The following PCCA variants were observed in gnomAD, a reference collection of about 807,000 sequenced individuals.
PCCA encodes propionyl-CoA carboxylase alpha chain, mitochondrial.
A neutral mutation model predicts 101.3 loss-of-function variants in PCCA; 74 were observed. The ratio of observed to expected loss-of-function variants is 0.73; its 90% CI spans 0.61 to 0.89. The LOEUF is 0.89. PCCA is among the 40% of genes least tolerant of loss of function. The pLI is 0.00. For missense variants in PCCA, 891 were observed against 907.0 expected (o/e 0.98, Z 0.23); for synonymous variants, 294 against 313.6 (o/e 0.94, Z 0.66).
intron 16 of PCCA, among the ~76,000 whole-genome samples, chr13:100,317,936 C>T (rs1180843420): frequency 1.3e-5 from 2 of 152,128 alleles, no homozygotes; most frequent in African/African-American, 4.8e-5. Context: ...CCTGAATATC[C>T]GTCAAGTCCA....
In PCCA at chr13:100,394,783, A is replaced by G. The variant is rs1364275488; in HGVS notation, c.1746+26209A>G. On this transcript the variant is annotated intron_variant, in intron 19 of 23. Transcript: ENST00000376285. The surrounding 1 kb of genome is among the most constrained non-coding windows in gnomAD (Gnocchi z 4.3). Reference sequence around the variant, plus strand: ...TGTTTTTTAAAAAATATGTCCTACTACTAATATTTTTTAAATTATCCCTAA... The same window carrying G: ...TGTTTTTTAAAAAATATGTCCTACTGCTAATATTTTTTAAATTATCCCTAA... Among the ~76,000 whole-genome samples the G allele has an allele frequency of 6.6e-6, 1 of 152,196 alleles. No homozygotes were observed. The highest frequency in any genetic ancestry group is 1.5e-5 in the Non-Finnish European group (1 of 68,032).
intron 4 of PCCA, among the ~76,000 whole-genome samples, chr13:100,133,174 T>C (rs1380338865): frequency 6.6e-6 from 1 of 152,242 alleles, no homozygotes; most frequent in Admixed American, 6.5e-5. Context: ...CTTCTTCTCA[T>C]GTGCTTATTT....
At chr13:100,209,178 A>G (rs562979429) in intron 6 of PCCA, among the ~76,000 whole-genome samples, 154 bp from the exon 7 acceptor site, 1 of 152,320 alleles carries the variant, frequency 6.6e-6, no homozygotes, top group South Asian at 2.1e-4. Context: ...ACTATATGCA[A>G]TATAGTATTT....
intron 6 of PCCA, among the ~76,000 whole-genome samples, chr13:100,174,605 G>A (rs752811330): frequency 4.6e-5 from 7 of 150,730 alleles, no homozygotes; most frequent in Non-Finnish European, 8.8e-5. Context: ...GCGCATGCCT[G>A]TAGTCTTAGC....
intron 17 of PCCA, among the ~76,000 whole-genome samples, chr13:100,339,339 C>T (rs1051356857): frequency 7.9e-5 from 12 of 152,200 alleles, no homozygotes; most frequent in South Asian, 6.2e-4. Context: ...TTATGGCTGA[C>T]GAGCCAGCAT....
rs1410685364 is a variant in PCCA, at chr13:100,527,639, A to G, written c.2041-36A>G. The G allele has an allele frequency of 4.1e-6, 6 of 1,453,254 alleles. No individual in the cohort carries two copies. In the East Asian group the frequency reaches 6.8e-5, roughly 16 times the overall value. The allele number at this position is 1,453,254 out of a possible 1,614,324, so 90.0% of individuals were successfully genotyped here. A position where few individuals can be genotyped will look rare whatever the true frequency, so the allele number is the denominator to read the frequency against. ...TCCTAAGTGTTAATGCAAAATTAGA[A>G]TGCTTTTAAAACTTCTGCCCATTTT... On this transcript the variant is annotated intron_variant, in intron 22 of 23. Coordinates refer to ENST00000376285, the MANE Select transcript of PCCA (RefSeq NM_000282.4).
intron 12 of PCCA, among the ~76,000 whole-genome samples, chr13:100,282,278 C>T (rs1269526920): frequency 1.3e-5 from 2 of 152,242 alleles, no homozygotes; most frequent in African/African-American, 2.4e-5. Flanking sequence ...GAGGTGACAG[C>T]GTGCTGGCAG....
intron 4 of PCCA, chr13:100,154,484 T>C (rs1371263074): frequency 6.4e-6 from 1 of 157,442 alleles, no homozygotes; most frequent in Non-Finnish European, 1.4e-5. Flanking sequence ...AACTCTTTCT[T>C]TCGTCTTAGG....
At chr13:100,214,445 A>G (rs1054016788) in intron 7 of PCCA, among the ~76,000 whole-genome samples, 2 of 148,220 alleles carry the variant, frequency 1.3e-5, no homozygotes, top group Non-Finnish European at 3.0e-5. Context: ...TTTTTTTTTT[A>G]GATGGAACCT....
At chr13:100,527,124 A>G (rs944120351) in intron 22 of PCCA, among the ~76,000 whole-genome samples, 5 of 151,778 alleles carry the variant, frequency 3.3e-5, no homozygotes, top group African/African-American at 7.3e-5. Flanking sequence ...GGTAACAGCT[A>G]TACTGAGATG....
chr13:100,110,834 A>G (rs2048241356), intron 2 of PCCA, among the ~76,000 whole-genome samples: 1 of 151,908 alleles, frequency 6.6e-6, no homozygotes, highest in Non-Finnish European at 1.5e-5. Context: ...TTGAGACGGA[A>G]TCTTGCTCTG....
intron 21 of PCCA, among the ~76,000 whole-genome samples, chr13:100,508,884 G>A (rs891644197): frequency 2.6e-5 from 4 of 152,048 alleles, no homozygotes; most frequent in Admixed American, 2.6e-4. Flanking sequence ...TTTCTTTGTG[G>A]ATTTTGTTTG....
intron 22 of PCCA, among the ~76,000 whole-genome samples, chr13:100,519,859 CCCAGGCTCGCT>C (rs2153001174): frequency 6.6e-6 from 1 of 152,382 alleles, no homozygotes; most frequent in East Asian, 1.9e-4. Flanking sequence ...CCTCATGCAG[CCCAGGCTCGCT>C]CACTGCATCT....
intron 18 of PCCA, among the ~76,000 whole-genome samples, chr13:100,365,728 G>A (rs1449966137): frequency 6.6e-6 from 1 of 152,148 alleles, no homozygotes; most frequent in African/African-American, 2.4e-5. Flanking sequence ...AAGAATATAG[G>A]CCGAGAGCCG....
chr13:100,520,610 G>A (rs2087192707), intron 22 of PCCA, among the ~76,000 whole-genome samples: 1 of 147,674 alleles, frequency 6.8e-6, no homozygotes, highest in Non-Finnish European at 1.5e-5. Flanking sequence ...ACTCCAGCCT[G>A]GGCGACAGAG....
chr13:100,347,220 C>G, intron 18 of PCCA, among the ~76,000 whole-genome samples: 1 of 152,090 alleles, frequency 6.6e-6, no homozygotes, highest in East Asian at 1.9e-4. Context: ...TAAGAGCTAT[C>G]GCACACTTAA....
intron 16 of PCCA, among the ~76,000 whole-genome samples, chr13:100,318,063 C>T (rs1006465999): frequency 5.3e-5 from 8 of 152,176 alleles, no homozygotes; most frequent in Admixed American, 2.6e-4. Flanking sequence ...TCTTGCCCTT[C>T]CTCAGTCCCT....
At chr13:100,129,368 G>A (rs1196102402) in intron 4 of PCCA, among the ~76,000 whole-genome samples, 1 of 152,186 alleles carries the variant, frequency 6.6e-6, no homozygotes, top group Non-Finnish European at 1.5e-5. Context: ...GATAGCGAAT[G>A]CTTTCTTACT....
At chr13:100,444,465 C>T (rs186475178) in intron 20 of PCCA, among the ~76,000 whole-genome samples, 1,516 of 86,176 alleles carry the variant, frequency 0.018, 14 homozygotes, top group Non-Finnish European at 0.025. Flanking sequence ...TTTTTTGAGA[C>T]GGAGTCTCGC....
Sources: allele counts gnomAD v4.1 joint callset (sites outside exome capture counted in the v4.1 genomes callset), GRCh38; gene constraint gnomAD v4.1.1; non-coding constraint Gnocchi (gnomAD v3.1); transcripts MANE v1.5; gene names NCBI Gene and HGNC (gene_info 2026-07-23, HGNC 2026-07-21).